Variants in LIPI observed in about 807,000 individuals in gnomAD.
LIPI encodes the protein lipase member I.
Under a neutral mutation model 50.6 loss-of-function variants are expected in LIPI, and 59 were observed. That is an observed-to-expected ratio of 1.16 (90% CI 0.94 to 1.45). The LOEUF (loss-of-function observed/expected upper bound fraction) is 1.45, where lower values mean the gene tolerates loss of function less well. Among genes scored for constraint, LIPI ranks in the 40% most tolerant of loss-of-function variants. The pLI is 0.00. For synonymous variants in LIPI, 203 were observed against 178.2 expected (o/e 1.14, Z -1.11); for missense variants, 586 against 536.3 (o/e 1.09, Z -0.92).
At position 14,181,783 on chromosome 21, in the gene LIPI, C is replaced by T; in HGVS notation, c.618G>A (p.Val206=). 1 of 1,610,076 alleles carries T rather than the reference C, an allele frequency of 6.2e-7. No homozygotes were observed. Among genetic ancestry groups the T allele is most frequent in the Non-Finnish European group, 8.5e-7 (1 of 1,176,814 alleles). ...SRLDYTDAKF[V]DVIHSDSNGL... Reference sequence around the variant, plus strand: ...CATTGGAGTCAGAATGGATGACATCCACAAACTTTGCATCCGTGTAATCTA... The same window carrying T: ...CATTGGAGTCAGAATGGATGACATCTACAAACTTTGCATCCGTGTAATCTA... Residue 206 remains valine (V), a synonymous_variant, in exon 4 of 10, where the codon GTG becomes GTA. Transcript: ENST00000681601.
intron 4 of LIPI, among the ~76,000 whole-genome samples, chr21:14,175,326 G>T (rs1023371146): frequency 6.6e-6 from 1 of 151,916 alleles, no homozygotes; most frequent in Admixed American, 6.6e-5. Context: ...CTTCTTGTTT[G>T]GGTTTTAATT....
intron 4 of LIPI, among the ~76,000 whole-genome samples, chr21:14,167,496 G>A (rs12483515): frequency 0.45 from 68,129 of 151,864 alleles, 15,689 homozygotes; most frequent in East Asian, 0.64. Context: ...TCACACAGCC[G>A]GGTACTCCTC....
intron 9 of LIPI, among the ~76,000 whole-genome samples, chr21:14,113,686 A>G (rs1245931019): frequency 1.3e-5 from 2 of 152,232 alleles, no homozygotes; most frequent in Admixed American, 6.5e-5. Context: ...GATGAAAACT[A>G]TAAACCCACT....
Position 14,206,876 on chromosome 21 carries a change from A to G in LIPI, c.46+3924T>C, listed in dbSNP as rs1277357319. 6 of 1,612,666 alleles carry G rather than the reference A, an allele frequency of 3.7e-6. No individual in the cohort carries two copies. In the East Asian group the frequency reaches 8.9e-5, roughly 24 times the overall value. On this transcript the variant is annotated intron_variant, in intron 1 of 9. Coordinates refer to ENST00000681601, the MANE Select transcript of LIPI (RefSeq NM_001302998.2). ...TTCTGGGTGAGAACTGAAAAGCATGAGCACTATATTTTTGGCACAAGTTAT... is the reference window on the plus strand; with the variant it reads ...TTCTGGGTGAGAACTGAAAAGCATGGGCACTATATTTTTGGCACAAGTTAT...
chr21:14,115,280 T>C (rs1443166917), intron 9 of LIPI, among the ~76,000 whole-genome samples: 1 of 152,162 alleles, frequency 6.6e-6, no homozygotes, highest in East Asian at 1.9e-4. Context: ...AGAAACATAG[T>C]TTCCCAGGGA....
Position 14,176,733 on chromosome 21 carries a change from G to T in LIPI, c.643+5025C>A, listed in dbSNP as rs570700854. The stretch of plus-strand genomic sequence containing the variant: ...TTTGCTTTCAATTCTTTTTTTTTTT[G>T]GTTACATTTCGCTAATAATGCCCTC... On this transcript the variant is annotated intron_variant, in intron 4 of 9. Transcript: ENST00000681601. Among the ~76,000 whole-genome samples the T allele has an allele frequency of 5.1e-3, 545 of 106,728 alleles. 1 individual carries two copies. Among genetic ancestry groups the T allele is most frequent in the African/African-American group, 0.016 (453 of 29,154 alleles). The allele number at this position is 106,728 out of a possible 152,430, so 70.0% of individuals were successfully genotyped here.
chr21:14,201,845 G>C (rs1222954382), intron 1 of LIPI, among the ~76,000 whole-genome samples: 1 of 152,108 alleles, frequency 6.6e-6, no homozygotes, highest in Non-Finnish European at 1.5e-5. Flanking sequence ...GGGCAATCAG[G>C]CTGGAGAAGG....
chr21:14,127,687 C>G (rs1374537826), intron 9 of LIPI, among the ~76,000 whole-genome samples: 1 of 152,048 alleles, frequency 6.6e-6, no homozygotes, highest in African/African-American at 2.4e-5. Flanking sequence ...ACCTGTTTGT[C>G]TTTTCCCTTT....
intron 9 of LIPI, among the ~76,000 whole-genome samples, chr21:14,115,946 G>A (rs748509468): frequency 2.6e-5 from 4 of 152,108 alleles, no homozygotes; most frequent in Non-Finnish European, 5.9e-5. Flanking sequence ...TGGAAGAGTG[G>A]CAAGTGCAGC....
chr21:14,180,467 C>T (rs1198188236), intron 4 of LIPI, among the ~76,000 whole-genome samples: 3 of 152,146 alleles, frequency 2.0e-5, no homozygotes, highest in Non-Finnish European at 4.4e-5. Flanking sequence ...TTTGTACTGT[C>T]TCTCTTTATT....
At chr21:14,183,190 T>A (rs2123251638) in intron 3 of LIPI, among the ~76,000 whole-genome samples, 1 of 152,310 alleles carries the variant, frequency 6.6e-6, no homozygotes, top group African/African-American at 2.4e-5. Flanking sequence ...AACTATCTGA[T>A]CTTTGACAAA....
chr21:14,161,415 A>G (rs910252603), intron 7 of LIPI, among the ~76,000 whole-genome samples: 1 of 141,488 alleles, frequency 7.1e-6, no homozygotes, highest in African/African-American at 2.6e-5. Flanking sequence ...TGTATATTAT[A>G]TATACATGAG....
At chr21:14,146,543 A>G (rs886593074) in intron 8 of LIPI, among the ~76,000 whole-genome samples, 1 of 152,130 alleles carries the variant, frequency 6.6e-6, no homozygotes, top group Non-Finnish European at 1.5e-5. Flanking sequence ...TATTCCTGCA[A>G]CAGCATCTTG....
intron 1 of LIPI, among the ~76,000 whole-genome samples, chr21:14,209,895 G>A (rs1287595941): frequency 6.6e-6 from 1 of 151,782 alleles, no homozygotes; most frequent in Non-Finnish European, 1.5e-5. Context: ...AAACTTAAGA[G>A]TAATAATATA....
chr21:14,200,517 G>A (rs193171558), intron 1 of LIPI, among the ~76,000 whole-genome samples: 208 of 152,046 alleles, frequency 1.4e-3, no homozygotes, highest in African/African-American at 4.9e-3. Context: ...GCCACAAAAA[G>A]AATAAAATAC....
chr21:14,167,516 A>C (rs2018733838), intron 4 of LIPI, among the ~76,000 whole-genome samples: 1 of 152,142 alleles, frequency 6.6e-6, no homozygotes, highest in African/African-American at 2.4e-5. Flanking sequence ...CTGAGACAAA[A>C]CTTCCAGAGG....
At chr21:14,142,210 G>A (rs1352351315) in intron 9 of LIPI, among the ~76,000 whole-genome samples, 8 of 152,050 alleles carry the variant, frequency 5.3e-5, no homozygotes, top group East Asian at 1.9e-4. Context: ...AATACCTAAT[G>A]TAGATGACAG....
chr21:14,152,546 G>T (rs2018133019), intron 8 of LIPI, 27 bp downstream of exon 8: 2 of 1,087,816 alleles, frequency 1.8e-6, no homozygotes, highest in Admixed American at 1.8e-5. Flanking sequence ...GAATATATGA[G>T]AGAAGAAAAT....
At position 14,189,160 on chromosome 21, in the gene LIPI, A is replaced by G; in HGVS notation, c.306T>C (p.Asn102=). Residue 102 remains asparagine, a synonymous_variant, in exon 2 of 10, where the codon AAT becomes AAC. Transcript: ENST00000681601. Reference sequence around the variant, plus strand: ...CTACAATTACATTCATATCTTCTTCATTCAGCAAAATCCTTACGAAGTTCT... The same window carrying G: ...CTACAATTACATTCATATCTTCTTCGTTCAGCAAAATCCTTACGAAGTTCT... ...WLQNFVRILL[N]EEDMNVIVVD... The G allele has an allele frequency of 6.2e-7, 1 of 1,614,132 alleles. No individual in the cohort carries two copies. Among genetic ancestry groups the G allele is most frequent in the South Asian group, 1.1e-5 (1 of 91,086 alleles).
Sources: allele counts gnomAD v4.1 joint callset (sites outside exome capture counted in the v4.1 genomes callset), GRCh38; gene constraint gnomAD v4.1.1; transcripts MANE v1.5; gene names NCBI Gene and HGNC (gene_info 2026-07-23, HGNC 2026-07-21).